Variants in GABRB2 observed in about 807,000 individuals in gnomAD.
The protein encoded by GABRB2 is gamma-aminobutyric acid type A receptor subunit beta2, also known as gamma-aminobutyric acid receptor subunit beta-2.
In GABRB2, 16 loss-of-function variants were observed where a neutral mutation model predicts 54.7. The ratio of observed to expected loss-of-function variants is 0.29; its 90% CI spans 0.20 to 0.44. GABRB2 has a LOEUF of 0.44. Ranked by LOEUF, GABRB2 falls within the 20% of genes least tolerant of loss-of-function variation. GABRB2 has a pLI of 1.00. For synonymous variants in GABRB2, 244 were observed against 233.8 expected (o/e 1.04, Z -0.40); for missense variants, 355 against 644.0 (o/e 0.55, Z 4.86).
chr5:161,354,916 T>G (rs546589823), intron 5 of GABRB2, among the ~76,000 whole-genome samples: 1 of 152,156 alleles, frequency 6.6e-6, no homozygotes, highest in African/African-American at 2.4e-5. Flanking sequence ...TTTCCCCTGC[T>G]CTTTAAGCCA....
At chr5:161,324,365 A>T (rs1227414719) in intron 9 of GABRB2, among the ~76,000 whole-genome samples, 1 of 152,148 alleles carries the variant, frequency 6.6e-6, no homozygotes, top group African/African-American at 2.4e-5. Context: ...ATAAAATCTG[A>T]GAAAGACACA....
At chr5:161,388,640 T>C (rs1429741968) in intron 5 of GABRB2, among the ~76,000 whole-genome samples, 18 of 151,998 alleles carry the variant, frequency 1.2e-4, no homozygotes, top group Admixed American at 1.2e-3. Context: ...GAAATAATAA[T>C]TCTTAATGCA....
At chr5:161,298,109 T>A (rs1023549383) in intron 9 of GABRB2, among the ~76,000 whole-genome samples, 1 of 152,164 alleles carries the variant, frequency 6.6e-6, no homozygotes, top group African/African-American at 2.4e-5. Flanking sequence ...ATATCCTTCA[T>A]CCACATTTTG....
chr5:161,543,895 G>A (rs922611000), intron 3 of GABRB2, among the ~76,000 whole-genome samples: 2 of 152,090 alleles, frequency 1.3e-5, no homozygotes, highest in Non-Finnish European at 2.9e-5. Context: ...TATTGCATGT[G>A]ATAAAAACTT....
At chr5:161,389,164 C>T (rs1199884798) in intron 5 of GABRB2, among the ~76,000 whole-genome samples, 1 of 151,946 alleles carries the variant, frequency 6.6e-6, no homozygotes, top group East Asian at 1.9e-4. Flanking sequence ...TTTCTTATAG[C>T]AACAGAGAGT....
intron 4 of GABRB2, among the ~76,000 whole-genome samples, chr5:161,445,800 T>C (rs1388374555): frequency 6.6e-6 from 1 of 152,154 alleles, no homozygotes; most frequent in African/African-American, 2.4e-5. Context: ...ATGTCCATCT[T>C]ACATGTATTA....
At position 161,438,876 on chromosome 5, in the gene GABRB2, C is replaced by T. The variant is rs148729726; in HGVS notation, c.458+20748G>A. ...TCAGAGGGGACAAAAGAAAAAAGAA[C>T]GGAACACACTGACATATGCCTACAG... On this transcript the variant is annotated intron_variant, in intron 4 of 9. Transcript: ENST00000393959. Among the ~76,000 whole-genome samples, 250 of 151,998 alleles carry T rather than the reference C, an allele frequency of 1.6e-3. 1 individual carries two copies. The highest frequency in any genetic ancestry group is 3.4e-3 in the Middle Eastern group (1 of 290).
chr5:161,384,061 C>T (rs577808091), intron 5 of GABRB2, among the ~76,000 whole-genome samples: 7 of 152,170 alleles, frequency 4.6e-5, no homozygotes, highest in African/African-American at 9.6e-5. Context: ...GCCATATAGA[C>T]GATTTCTAAG....
chr5:161,524,146 CT>C (rs760892482), intron 3 of GABRB2, among the ~76,000 whole-genome samples: 3 of 151,252 alleles, frequency 2.0e-5, no homozygotes, highest in East Asian at 3.9e-4. Flanking sequence ...TAGAATGAAA[CT>C]TTTAAGAACC....
At chr5:161,306,703 G>A (rs1438319977) in intron 9 of GABRB2, among the ~76,000 whole-genome samples, 2 of 151,912 alleles carry the variant, frequency 1.3e-5, no homozygotes, top group Non-Finnish European at 2.9e-5. Flanking sequence ...GATGGGGAGG[G>A]TACATGGAAT....
At position 161,411,065 on chromosome 5, in the gene GABRB2, A is replaced by G; in HGVS notation, c.459-8T>C. ...GCAGCTGTGGTTGTGATTCTAGAAG[A>G]CAAATAGCAATGATGAGTGTTGTTA... is the stretch of plus-strand genomic sequence containing the variant. On this transcript the variant is annotated splice_region_variant and splice_polypyrimidine_tract_variant and intron_variant, in intron 4 of 9. Coordinates refer to ENST00000393959, the MANE Select transcript of GABRB2 (RefSeq NM_001371727.1). 1.9e-6 allele frequency: 3 copies of G among 1,607,948 alleles called. No individual in the cohort carries two copies. Among genetic ancestry groups the G allele is most frequent in the Non-Finnish European group, 2.6e-6 (3 of 1,174,604 alleles).
intron 3 of GABRB2, among the ~76,000 whole-genome samples, chr5:161,476,360 C>T (rs1758590927): frequency 6.6e-6 from 1 of 151,830 alleles, no homozygotes; most frequent in Admixed American, 6.6e-5. Flanking sequence ...GTCAACACTA[C>T]CCACGGTAAA....
intron 5 of GABRB2, among the ~76,000 whole-genome samples, chr5:161,406,957 C>T (rs540495615): frequency 8.5e-5 from 13 of 152,154 alleles, no homozygotes; most frequent in African/African-American, 2.2e-4. Context: ...ATGTTGAAAA[C>T]GAGAACACTA....
chr5:161,514,581 G>C (rs994064689), intron 3 of GABRB2, among the ~76,000 whole-genome samples: 1 of 151,170 alleles, frequency 6.6e-6, no homozygotes, highest in Non-Finnish European at 1.5e-5. Context: ...ATATATACGT[G>C]TGTGTGTGTG....
chr5:161,294,496 C>T, intron 9 of GABRB2, 68 bp from the exon 10 acceptor site: 1 of 1,356,638 alleles, frequency 7.4e-7, no homozygotes, highest in Non-Finnish European at 1.0e-6. Context: ...CTAGGCAAGG[C>T]ACTATGATCG....
In GABRB2 at chr5:161,289,969, A is replaced by T. The variant is rs1757193479; in HGVS notation, c.*4112T>A. 6.6e-6 allele frequency: 1 copy of T among 152,492 alleles called. No homozygotes were observed. Among genetic ancestry groups the T allele is most frequent in the South Asian group, 2.1e-4 (1 of 4,832 alleles). 9.4% of individuals were successfully genotyped at this position (152,492 alleles called of 1,614,324 possible). ...ATAAAAATTAAGAAAAAAACTAAAC[A>T]ATTATTTGTATCTATTGACTATTCA... On this transcript the variant is annotated 3_prime_UTR_variant, in exon 10 of 10. Transcript: ENST00000393959.
chr5:161,348,579 G>A (rs544777874), intron 5 of GABRB2, among the ~76,000 whole-genome samples: 38 of 151,976 alleles, frequency 2.5e-4, no homozygotes, highest in South Asian at 6.2e-4. Flanking sequence ...AAGGGTCTCC[G>A]AAACCCCCAA....
intron 3 of GABRB2, among the ~76,000 whole-genome samples, chr5:161,475,797 T>G (rs1049595055): frequency 6.6e-6 from 1 of 150,680 alleles, no homozygotes; most frequent in Non-Finnish European, 1.5e-5. Flanking sequence ...AAAAGGAAAC[T>G]ACCTCAACAT....
intron 3 of GABRB2, among the ~76,000 whole-genome samples, chr5:161,468,976 T>C (rs562943338): frequency 2.0e-5 from 3 of 152,042 alleles, no homozygotes; most frequent in African/African-American, 7.2e-5. Context: ...GTTATTACTA[T>C]AACATCTTAT....
Sources: gnomAD v4.1 joint callset for allele counts (sites outside exome capture counted in the v4.1 genomes callset) on GRCh38, gnomAD v4.1.1 for gene constraint, MANE v1.5 for transcripts, NCBI Gene and HGNC (gene_info 2026-07-23, HGNC 2026-07-21) for gene names.